The following PCDHA1 variants were observed in gnomAD, a reference collection of about 807,000 sequenced individuals.
The protein encoded by PCDHA1 is protocadherin alpha 1, also known as protocadherin alpha-1.
A neutral mutation model predicts 61.3 loss-of-function variants in PCDHA1; 42 were observed. That is an observed-to-expected ratio of 0.69 (90% CI 0.54 to 0.89). PCDHA1 has a LOEUF of 0.89. Among genes scored for constraint, PCDHA1 ranks in the 40% least tolerant of loss-of-function variants. The pLI is 0.00. For missense variants in PCDHA1, 1,256 were observed against 1,235.3 expected, an observed-to-expected ratio of 1.02 and a Z score of -0.25; for synonymous variants, 610 against 553.8, an observed-to-expected ratio of 1.10 and a Z score of -1.43.
At chr5:140,802,621 T>C in intron 1 of PCDHA1, 1 of 1,613,978 alleles carries the variant, frequency 6.2e-7, no homozygotes, top group East Asian at 2.2e-5. Flanking sequence ...TGCCACATCT[T>C]CACGGTGTCT....
chr5:140,883,640 C>T (rs143631680), intron 1 of PCDHA1: 5 of 1,613,958 alleles, frequency 3.1e-6, no homozygotes, highest in Non-Finnish European at 4.2e-6. Context: ...GTTCGCGCAG[C>T]CCGAGTACAC....
chr5:140,927,099 T>G lies in PCDHA1; in HGVS notation c.2395-51850T>G, dbSNP rs782352775. 10 of 1,613,434 alleles carry G rather than the reference T, an allele frequency of 6.2e-6. No homozygotes were observed. In the South Asian group the frequency reaches 7.7e-5, roughly 12 times the overall value. On this transcript the variant is annotated intron_variant, in intron 1 of 3. Coordinates refer to ENST00000504120, the MANE Select transcript of PCDHA1 (RefSeq NM_018900.4). The stretch of plus-strand genomic sequence containing the variant: ...ACCGCGAGCTCTACTTCGGGGTGGA[T>G]CTACCCAGCGGCAATTTGGTGGTCA...
intron 1 of PCDHA1, chr5:140,823,380 C>T (rs2150125210): frequency 1.2e-6 from 2 of 1,612,686 alleles, no homozygotes; most frequent in East Asian, 2.2e-5. Flanking sequence ...TCCAGGTGAG[C>T]GCGCGCGACG....
intron 1 of PCDHA1, among the ~76,000 whole-genome samples, chr5:140,934,534 G>GT (rs1563143363): frequency 2.6e-5 from 4 of 152,064 alleles, no homozygotes; most frequent in Non-Finnish European, 4.4e-5. Flanking sequence ...GAGAGCTACC[G>GT]TTCTAATTCT....
At chr5:140,818,362 T>C (rs182657876) in intron 1 of PCDHA1, among the ~76,000 whole-genome samples, 93 of 152,386 alleles carry the variant, frequency 6.1e-4, no homozygotes, top group Non-Finnish European at 1.1e-3. Context: ...ATTGATTGAA[T>C]TCTTAACTTG....
intron 1 of PCDHA1, among the ~76,000 whole-genome samples, chr5:140,908,701 C>A (rs2074102440): frequency 6.6e-6 from 1 of 152,218 alleles, no homozygotes; most frequent in Admixed American, 6.5e-5. Context: ...ACACCTCAAG[C>A]ACCATTGGAT....
intron 1 of PCDHA1, among the ~76,000 whole-genome samples, chr5:140,891,205 A>G (rs561238636): frequency 3.3e-5 from 5 of 152,120 alleles, no homozygotes; most frequent in African/African-American, 1.2e-4. Context: ...CAGTTTTACC[A>G]TGCTGTGTCT....
At chr5:140,833,054 T>G (rs1193790961) in intron 1 of PCDHA1, among the ~76,000 whole-genome samples, 1 of 152,118 alleles carries the variant, frequency 6.6e-6, no homozygotes. Context: ...AGAAAAGTAA[T>G]ATGAGAAAAA....
chr5:140,922,176 CA>C (rs3836750), intron 1 of PCDHA1, among the ~76,000 whole-genome samples: 49,174 of 150,706 alleles, frequency 0.33, 8,259 homozygotes, highest in East Asian at 0.53. Context: ...GTACAGCAGA[CA>C]AAAAAAAAGT....
At chr5:140,854,858 T>C (rs2043245736) in intron 1 of PCDHA1, among the ~76,000 whole-genome samples, 1 of 149,904 alleles carries the variant, frequency 6.7e-6, no homozygotes. Flanking sequence ...AATTACTAGA[T>C]ATATTTCAGA....
At chr5:140,792,392 T>G (rs782039613) in intron 1 of PCDHA1, among the ~76,000 whole-genome samples, 1 of 152,216 alleles carries the variant, frequency 6.6e-6, no homozygotes, top group Non-Finnish European at 1.5e-5. Flanking sequence ...GTCACTTATT[T>G]AAACCTCAGA....
intron 3 of PCDHA1, among the ~76,000 whole-genome samples, chr5:140,992,344 T>G (rs2097506257): frequency 6.6e-6 from 1 of 152,124 alleles, no homozygotes; most frequent in Non-Finnish European, 1.5e-5. Context: ...GATGGAAATG[T>G]GGAGAGAGGA....
chr5:140,986,355 T>C (rs1381730343), intron 3 of PCDHA1, among the ~76,000 whole-genome samples: 3 of 152,154 alleles, frequency 2.0e-5, no homozygotes, highest in African/African-American at 7.2e-5. Context: ...CTTCTTCAGA[T>C]GGAGGAATGC....
At chr5:140,961,248 G>A (rs144956279) in intron 1 of PCDHA1, among the ~76,000 whole-genome samples, 129 of 152,276 alleles carry the variant, frequency 8.5e-4, no homozygotes, top group African/African-American at 1.8e-3. Flanking sequence ...GAATTTATCC[G>A]AAGCTCCAGG....
chr5:140,953,267 C>G (rs902465304), intron 1 of PCDHA1, among the ~76,000 whole-genome samples: 4 of 152,068 alleles, frequency 2.6e-5, no homozygotes, highest in African/African-American at 4.8e-5. Flanking sequence ...TTAGCTTTAG[C>G]CTTTGCTCTT....
Position 140,788,128 on chromosome 5 carries a change from C to T in PCDHA1, c.1838C>T (p.Pro613Leu). Residue 613 changes from proline to leucine, a missense_variant, in exon 1 of 4, where the codon CCG becomes CTG. By Grantham distance (98) the Pro-to-Leu change is moderately conservative. Coordinates refer to ENST00000504120, the MANE Select transcript of PCDHA1 (RefSeq NM_018900.4). ...YNAWLSYELQ[P>L]AAGGARIPFR... Reference sequence around the variant, plus strand: ...GCGTGGCTGTCCTATGAACTGCAGCCGGCAGCAGGCGGCGCGCGCATCCCG... The same window carrying T: ...GCGTGGCTGTCCTATGAACTGCAGCTGGCAGCAGGCGGCGCGCGCATCCCG... 2 of 1,613,914 alleles carry T rather than the reference C, an allele frequency of 1.2e-6. No homozygotes were observed. The highest frequency in any genetic ancestry group is 1.7e-6 in the Non-Finnish European group (2 of 1,179,904).
At chr5:140,973,599 T>C (rs952944512) in intron 1 of PCDHA1, among the ~76,000 whole-genome samples, 7 of 152,258 alleles carry the variant, frequency 4.6e-5, no homozygotes, top group African/African-American at 1.4e-4. Flanking sequence ...GATGGAATTA[T>C]GGCTGAGCTC....
chr5:140,806,293 T>C (rs932413436), intron 1 of PCDHA1, among the ~76,000 whole-genome samples: 3 of 152,198 alleles, frequency 2.0e-5, no homozygotes, highest in African/African-American at 7.2e-5. Flanking sequence ...ATATAAGCAC[T>C]ATAGGAGAAA....
intron 1 of PCDHA1, among the ~76,000 whole-genome samples, chr5:140,955,667 T>C (rs1485421057): frequency 6.6e-6 from 1 of 152,188 alleles, no homozygotes; most frequent in Admixed American, 6.5e-5. Flanking sequence ...AATTTTAACA[T>C]AGTTTTTTCG....
Sources: allele counts gnomAD v4.1 joint callset (sites outside exome capture counted in the v4.1 genomes callset), GRCh38; gene constraint gnomAD v4.1.1; transcripts MANE v1.5; gene names NCBI Gene and HGNC (gene_info 2026-07-23, HGNC 2026-07-21).